CPEB3: variants seen among roughly 807,000 people sequenced by gnomAD.
The protein encoded by CPEB3 is cytoplasmic polyadenylation element-binding protein 3.
In CPEB3, 20 loss-of-function variants were observed where a neutral mutation model predicts 67.2. That is an observed-to-expected ratio of 0.30 (90% CI 0.21 to 0.43). CPEB3 has a LOEUF of 0.43. Ranked by LOEUF, CPEB3 falls within the 20% of genes least tolerant of loss-of-function variation. CPEB3 has a pLI of 1.00. For missense variants in CPEB3, 746 were observed against 968.6 expected (o/e 0.77, Z 3.05); for synonymous variants, 376 against 393.1 (o/e 0.96, Z 0.51).
At chr10:92,276,260 CTGCTTTTTT>C (rs1841978861) in intron 1 of CPEB3, among the ~76,000 whole-genome samples, 1 of 149,770 alleles carries the variant, frequency 6.7e-6, no homozygotes, top group East Asian at 1.9e-4. Context: ...ATGAATAATG[CTGCTTTTTT>C]TTCTTTTCTT....
In CPEB3 at chr10:92,103,244, A is replaced by G. The variant is rs141846447; in HGVS notation, c.1572+7832T>C. 1.8e-3 allele frequency among the ~76,000 whole-genome samples: 275 copies of G among 152,352 alleles called. 1 individual carries two copies. Among genetic ancestry groups the G allele is most frequent in the African/African-American group, 6.4e-3 (267 of 41,590 alleles). ...TGAGACCCACTCAATGATCAGAATTATCTAGTGTTCATCATGACTGTTGAT... is the reference window on the plus strand; with the variant it reads ...TGAGACCCACTCAATGATCAGAATTGTCTAGTGTTCATCATGACTGTTGAT... On this transcript the variant is annotated intron_variant, in intron 7 of 9. Coordinates refer to ENST00000265997, the MANE Select transcript of CPEB3 (RefSeq NM_014912.5).
intron 1 of CPEB3, among the ~76,000 whole-genome samples, chr10:92,248,304 C>T (rs1023878427): frequency 1.3e-5 from 2 of 152,074 alleles, no homozygotes; most frequent in Non-Finnish European, 1.5e-5. Context: ...AAAGTTTGTA[C>T]GTGTTCAGTA....
At position 92,089,172 on chromosome 10, in the gene CPEB3, G is replaced by A. The variant is rs188361352; in HGVS notation, c.1687+2658C>T. On this transcript the variant is annotated intron_variant, in intron 8 of 9. Transcript: ENST00000265997. ...GTCACAATGAATTCCTTTAAAAAACGTCTTCTATTCCAAGGTATACATCAG... is the reference window on the plus strand; with the variant it reads ...GTCACAATGAATTCCTTTAAAAAACATCTTCTATTCCAAGGTATACATCAG... Among the ~76,000 whole-genome samples, 544 of 152,160 alleles carry A rather than the reference G, an allele frequency of 3.6e-3. 3 individuals carry two copies. The highest frequency in any genetic ancestry group is 5.7e-3 in the Non-Finnish European group (390 of 68,006).
At chr10:92,254,012 T>A (rs1460793603) in intron 1 of CPEB3, among the ~76,000 whole-genome samples, 1 of 152,132 alleles carries the variant, frequency 6.6e-6, no homozygotes, top group Non-Finnish European at 1.5e-5. Context: ...GAGAATCACT[T>A]GAGCCCAAGA....
chr10:92,168,525 A>G (rs1241115489), intron 4 of CPEB3, among the ~76,000 whole-genome samples: 1 of 152,144 alleles, frequency 6.6e-6, no homozygotes, highest in African/African-American at 2.4e-5. Flanking sequence ...TGTAGTTCCC[A>G]TAATCCCCAT....
At chr10:92,219,674 A>T (rs1850601191) in intron 2 of CPEB3, among the ~76,000 whole-genome samples, 1 of 152,218 alleles carries the variant, frequency 6.6e-6, no homozygotes, top group Non-Finnish European at 1.5e-5. Flanking sequence ...CTACCTTAAA[A>T]TAGCTACTCT....
chr10:92,232,585 C>A (rs958031863), intron 2 of CPEB3, among the ~76,000 whole-genome samples: 1 of 151,478 alleles, frequency 6.6e-6, no homozygotes, highest in South Asian at 2.1e-4. Flanking sequence ...AGTGAAACCC[C>A]GTCTCTACCA....
chr10:92,121,408 A>G (rs1336401681), intron 6 of CPEB3, among the ~76,000 whole-genome samples: 1 of 74,248 alleles, frequency 1.3e-5, no homozygotes, highest in Non-Finnish European at 2.8e-5. Context: ...ATAGAGAGAC[A>G]GCGCGTGAGC....
intron 6 of CPEB3, among the ~76,000 whole-genome samples, chr10:92,117,697 C>T (rs1237133360): frequency 6.6e-6 from 1 of 151,810 alleles, no homozygotes; most frequent in African/African-American, 2.4e-5. Context: ...TCTTGGCTAC[C>T]TTTCAAAAAC....
chr10:92,080,958 G>A (rs530215105), intron 9 of CPEB3, among the ~76,000 whole-genome samples: 1 of 152,276 alleles, frequency 6.6e-6, no homozygotes, highest in East Asian at 1.9e-4. Flanking sequence ...ATGTTTAAAT[G>A]TTAATCTAAG....
At chr10:92,249,122 T>C (rs1289980958) in intron 1 of CPEB3, among the ~76,000 whole-genome samples, 2 of 152,196 alleles carry the variant, frequency 1.3e-5, no homozygotes, top group African/African-American at 4.8e-5. Context: ...CTCATGCCTG[T>C]AATTCTAGCA....
rs550250036 is a variant in CPEB3 at position 92,085,122 on chromosome 10, C to T, written c.1688-3621G>A. ...GTAGCTCCCAGGAGGATGTTCTTAA[C>T]ATTTAACCTGAGGAAAATGAGGGTA... On this transcript the variant is annotated intron_variant, in intron 8 of 9. Transcript: ENST00000265997. Among the ~76,000 whole-genome samples, 72 of 152,294 alleles carry T rather than the reference C, an allele frequency of 4.7e-4. 1 individual carries two copies. The highest frequency in any genetic ancestry group is 4.6e-3 in the Admixed American group (70 of 15,296).
intron 3 of CPEB3, among the ~76,000 whole-genome samples, chr10:92,184,095 T>A (rs1483725166): frequency 6.6e-6 from 1 of 152,194 alleles, no homozygotes; most frequent in African/African-American, 2.4e-5. Context: ...TTGGTAGTTT[T>A]CAAATTATTA....
At chr10:92,084,065 T>G (rs567366237) in intron 8 of CPEB3, among the ~76,000 whole-genome samples, 21 of 148,700 alleles carry the variant, frequency 1.4e-4, no homozygotes, top group Non-Finnish European at 2.7e-4. Flanking sequence ...GCCGGGAGGC[T>G]GAGGGAAGAG....
intron 7 of CPEB3, among the ~76,000 whole-genome samples, chr10:92,102,339 G>T (rs1844230099): frequency 6.6e-6 from 1 of 152,174 alleles, no homozygotes; most frequent in African/African-American, 2.4e-5. Context: ...TAGTCTCCAA[G>T]TAGAAATAGA....
intron 8 of CPEB3, among the ~76,000 whole-genome samples, chr10:92,089,895 T>C (rs549847766): frequency 2.0e-4 from 31 of 152,352 alleles, no homozygotes; most frequent in African/African-American, 7.5e-4. Context: ...AATCCTAGAA[T>C]TTGTGGCATC....
At chr10:92,132,410 T>A (rs1027533384) in intron 6 of CPEB3, among the ~76,000 whole-genome samples, 5 of 152,084 alleles carry the variant, frequency 3.3e-5, no homozygotes, top group African/African-American at 1.2e-4. Flanking sequence ...AGTAAAGTAA[T>A]ACAAGCAACA....
chr10:92,166,251 G>T (rs1304041773), intron 4 of CPEB3, among the ~76,000 whole-genome samples: 2 of 151,942 alleles, frequency 1.3e-5, no homozygotes, highest in East Asian at 3.9e-4. Flanking sequence ...TGGGATTACA[G>T]GCGTGCACCA....
intron 4 of CPEB3, among the ~76,000 whole-genome samples, chr10:92,174,915 T>C (rs1564838310): frequency 2.0e-5 from 3 of 152,332 alleles, no homozygotes; most frequent in South Asian, 4.1e-4. Context: ...GGTAAGACTA[T>C]GCTTCCTACT....
Sources: allele counts gnomAD v4.1 joint callset (sites outside exome capture counted in the v4.1 genomes callset), GRCh38; gene constraint gnomAD v4.1.1; transcripts MANE v1.5; gene names NCBI Gene and HGNC (gene_info 2026-07-23, HGNC 2026-07-21).